The following PTPRK variants were observed in gnomAD, a reference collection of about 807,000 sequenced individuals.
PTPRK encodes the protein protein tyrosine phosphatase receptor type K, also known as receptor-type tyrosine-protein phosphatase kappa.
PTPRK carries 75 observed loss-of-function variants against 178.0 expected under a neutral mutation model. The ratio of observed to expected loss-of-function variants is 0.42; its 90% CI spans 0.35 to 0.51. PTPRK has a LOEUF of 0.51. Ranked by LOEUF, PTPRK falls within the 20% of genes least tolerant of loss-of-function variation. The pLI is 0.02. For synonymous variants in PTPRK, 637 were observed against 620.6 expected (o/e 1.03, Z -0.39); for missense variants, 1,441 against 1,797.8 (o/e 0.80, Z 3.59).
intron 5 of PTPRK, among the ~76,000 whole-genome samples, chr6:128,235,068 A>G (rs1812980800): frequency 1.3e-5 from 2 of 152,294 alleles, no homozygotes; most frequent in South Asian, 2.1e-4. Flanking sequence ...TACATCAATT[A>G]CCCTAATTGG....
At chr6:128,295,081 T>C (rs1490716103) in intron 3 of PTPRK, among the ~76,000 whole-genome samples, 1 of 152,120 alleles carries the variant, frequency 6.6e-6, no homozygotes, top group East Asian at 1.9e-4. Context: ...AATATGTGAT[T>C]CTCTTTCAAA....
At position 127,985,635 on chromosome 6, in the gene PTPRK, AT is replaced by A. The variant is rs1775879916; in HGVS notation, c.3251+85del. 2.2e-6 allele frequency: 3 copies of A among 1,388,718 alleles called. No homozygotes were observed. The Admixed American group carries it at 6.3e-5, about 29-fold the overall frequency. 86.0% of individuals were successfully genotyped at this position (1,388,718 alleles called of 1,614,324 possible). On this transcript the variant is annotated intron_variant, in intron 22 of 29. Coordinates refer to ENST00000368226, the MANE Select transcript of PTPRK (RefSeq NM_002844.4). ...GCAAGCTGGAACTTCGTAAGCACAC[AT>A]TAGTTTTTGTGCTCAAAAGCCTTGT...
intron 8 of PTPRK, among the ~76,000 whole-genome samples, chr6:128,084,329 T>C (rs1459395318): frequency 6.6e-6 from 1 of 152,198 alleles, no homozygotes; most frequent in African/African-American, 2.4e-5. Flanking sequence ...GAAATGTCCA[T>C]TAATAGCCAA....
chr6:128,447,401 C>T (rs1308145171), intron 1 of PTPRK, among the ~76,000 whole-genome samples: 1 of 152,184 alleles, frequency 6.6e-6, no homozygotes, highest in Non-Finnish European at 1.5e-5. Flanking sequence ...TCATTAAATG[C>T]TCACAAAACC....
chr6:128,171,828 C>T (rs1226278320), intron 7 of PTPRK, among the ~76,000 whole-genome samples: 1 of 151,850 alleles, frequency 6.6e-6, no homozygotes, highest in African/African-American at 2.4e-5. Context: ...GTAACATTTA[C>T]CCCATTTTAA....
intron 3 of PTPRK, among the ~76,000 whole-genome samples, chr6:128,257,152 C>G (rs559916881): frequency 1.3e-4 from 19 of 151,334 alleles, no homozygotes; most frequent in Non-Finnish European, 2.5e-4. Flanking sequence ...ATTGCTTGAA[C>G]ATGGGAGGCG....
At chr6:128,403,082 A>G (rs1044409295) in intron 1 of PTPRK, among the ~76,000 whole-genome samples, 1 of 152,214 alleles carries the variant, frequency 6.6e-6, no homozygotes, top group South Asian at 2.1e-4. Context: ...ATGACAGAAG[A>G]ACTCACTTCA....
chr6:128,293,300 C>A (rs548952764), intron 3 of PTPRK, among the ~76,000 whole-genome samples: 36 of 152,026 alleles, frequency 2.4e-4, no homozygotes, highest in Non-Finnish European at 4.9e-4. Context: ...CTGGTGAAGG[C>A]TGCTCTCTGC....
In PTPRK at chr6:128,519,620, G is replaced by C. The variant is rs572833488; in HGVS notation, c.100+639C>G. Among the ~76,000 whole-genome samples, 1 of 152,296 alleles carries C rather than the reference G, an allele frequency of 6.6e-6. No homozygotes were observed. The highest frequency in any genetic ancestry group is 1.9e-4 in the East Asian group (1 of 5,148). On this transcript the variant is annotated intron_variant, in intron 1 of 29. Transcript: ENST00000368226. The surrounding 1 kb of genome is among the most constrained non-coding windows in gnomAD (Gnocchi z 4.3). ...ACGCTCAGAGTGGGTCCTTAGAACCGCATTTCAACACATCTTACAGGGCTC... is the reference window on the plus strand; with the variant it reads ...ACGCTCAGAGTGGGTCCTTAGAACCCCATTTCAACACATCTTACAGGGCTC...
At chr6:128,406,846 C>T (rs1841712744) in intron 1 of PTPRK, among the ~76,000 whole-genome samples, 1 of 152,148 alleles carries the variant, frequency 6.6e-6, no homozygotes, top group Non-Finnish European at 1.5e-5. Context: ...GGAATCACCA[C>T]ATAAAGATTT....
intron 3 of PTPRK, among the ~76,000 whole-genome samples, chr6:128,249,892 C>A (rs939443044): frequency 1.3e-5 from 2 of 152,116 alleles, no homozygotes; most frequent in African/African-American, 4.8e-5. Context: ...TTTGGCTGCG[C>A]CCCCACCCAA....
At chr6:128,082,144 G>A (rs1165750076) in intron 10 of PTPRK, among the ~76,000 whole-genome samples, 2 of 151,920 alleles carry the variant, frequency 1.3e-5, no homozygotes, top group Non-Finnish European at 2.9e-5. Flanking sequence ...CTCTTCAAAA[G>A]TATCATAAGA....
Position 127,969,735 on chromosome 6 carries a change from A to C in PTPRK, c.*492T>G, listed in dbSNP as rs1187117699. On this transcript the variant is annotated 3_prime_UTR_variant, in exon 30 of 30. Coordinates refer to ENST00000368226, the MANE Select transcript of PTPRK (RefSeq NM_002844.4). ...TTAAAAGAAAATAAGCCAGTTATAT[A>C]TATTTATATATTTATATAGAGATCT... 1 of 151,996 alleles carries C rather than the reference A, an allele frequency of 6.6e-6. No homozygotes were observed. The highest frequency in any genetic ancestry group is 2.4e-5 in the African/African-American group (1 of 41,448). The allele number at this position is 151,996 out of a possible 1,614,324, so 9.4% of individuals were successfully genotyped here.
At chr6:128,184,768 T>C in intron 6 of PTPRK, 43 bp from the exon 7 acceptor site, 1 of 1,561,518 alleles carries the variant, frequency 6.4e-7, no homozygotes, top group Non-Finnish European at 8.7e-7. Context: ...AGATTTAAAA[T>C]AATACAAAGA....
chr6:128,448,440 A>G (rs879406339), intron 1 of PTPRK, among the ~76,000 whole-genome samples: 1 of 152,100 alleles, frequency 6.6e-6, no homozygotes, highest in Non-Finnish European at 1.5e-5. Context: ...ACATATTCCT[A>G]TTATAGAACT....
chr6:128,335,125 A>T (rs1442110769), intron 2 of PTPRK, among the ~76,000 whole-genome samples: 1 of 152,060 alleles, frequency 6.6e-6, no homozygotes, highest in Non-Finnish European at 1.5e-5. Context: ...AATGGTTAAG[A>T]ATTCAGGCTC....
chr6:128,414,693 A>G (rs1842654877), intron 1 of PTPRK, among the ~76,000 whole-genome samples: 2 of 152,216 alleles, frequency 1.3e-5, no homozygotes, highest in South Asian at 4.1e-4. Flanking sequence ...TGGTACACAG[A>G]ATATGTGAAA....
At chr6:128,092,250 A>G (rs1442941817) in intron 7 of PTPRK, among the ~76,000 whole-genome samples, 2 of 152,178 alleles carry the variant, frequency 1.3e-5, no homozygotes, top group Non-Finnish European at 2.9e-5. Flanking sequence ...TTTTTTCCAC[A>G]GTTTGAATGT....
chr6:128,125,497 G>A (rs1028416791), intron 7 of PTPRK, among the ~76,000 whole-genome samples: 1 of 151,858 alleles, frequency 6.6e-6, no homozygotes, highest in African/African-American at 2.4e-5. Flanking sequence ...ACAGCCTGTG[G>A]AACTGGGAGC....
Sources: allele counts gnomAD v4.1 joint callset (sites outside exome capture counted in the v4.1 genomes callset), GRCh38; gene constraint gnomAD v4.1.1; non-coding constraint Gnocchi (gnomAD v3.1); transcripts MANE v1.5; gene names NCBI Gene and HGNC (gene_info 2026-07-23, HGNC 2026-07-21).